STK32B: variants seen among roughly 807,000 people sequenced by gnomAD.
STK32B encodes serine/threonine-protein kinase 32B.
In STK32B, 43 loss-of-function variants were observed where a neutral mutation model predicts 52.6. The ratio of observed to expected loss-of-function variants is 0.82; its 90% CI spans 0.64 to 1.05. The LOEUF (loss-of-function observed/expected upper bound fraction) is 1.05, where lower values mean the gene tolerates loss of function less well. STK32B is among the 50% of genes least tolerant of loss of function. STK32B has a pLI of 0.00. For missense variants in STK32B, 621 were observed against 534.6 expected (o/e 1.16, Z -1.59); for synonymous variants, 238 against 204.3 (o/e 1.17, Z -1.41).
rs1398483991 is a variant in STK32B, at chr4:5,498,875, AGT to A, written c.1107-65_1107-64del. The A allele has an allele frequency of 1.9e-5, 28 of 1,508,244 alleles. No homozygotes were observed. In the African/African-American group the frequency reaches 3.2e-4, roughly 17 times the overall value. The allele number at this position is 1,508,244 out of a possible 1,614,324, so 93.4% of individuals were successfully genotyped here. ...GGCTCCACAGTTGCCCTGCCTGCCC[AGT>A]GTGTCTCCTGGATGTGCCTCCACAA... On this transcript the variant is annotated intron_variant, in intron 11 of 11. Transcript: ENST00000282908.
chr4:5,231,657 AAAAG>A (rs1373538353), intron 3 of STK32B, among the ~76,000 whole-genome samples: 2 of 152,042 alleles, frequency 1.3e-5, no homozygotes, highest in Admixed American at 6.5e-5. Flanking sequence ...AAAGAAAAGA[AAAAG>A]AAAGAGTAGT....
intron 1 of STK32B, among the ~76,000 whole-genome samples, chr4:5,100,780 C>CT (rs2108793599): frequency 2.5e-5 from 1 of 39,642 alleles, no homozygotes; most frequent in Admixed American, 3.0e-4. Flanking sequence ...TCCTTCCCTT[C>CT]TTCCTTCCTT....
At chr4:5,116,109 A>T (rs542039562) in intron 1 of STK32B, among the ~76,000 whole-genome samples, 1 of 152,178 alleles carries the variant, frequency 6.6e-6, no homozygotes, top group Non-Finnish European at 1.5e-5. Flanking sequence ...CATGGTTTCC[A>T]TTTATTGACT....
intron 1 of STK32B, among the ~76,000 whole-genome samples, chr4:5,100,630 TTCTCTTTCTTTCTTTCTC>T (rs1201939219): frequency 1.9e-5 from 2 of 105,272 alleles, no homozygotes; most frequent in Non-Finnish European, 3.5e-5. Flanking sequence ...TTTTCTTTCT[TTCTCTTTCTTTCTTTCTC>T]TCTTTCTCTT....
At chr4:5,485,893 A>G (rs1050780069) in intron 11 of STK32B, among the ~76,000 whole-genome samples, 1 of 152,238 alleles carries the variant, frequency 6.6e-6, no homozygotes, top group Non-Finnish European at 1.5e-5. Flanking sequence ...CGAAGGCTGC[A>G]GAACAGTGGA....
intron 1 of STK32B, among the ~76,000 whole-genome samples, chr4:5,085,856 A>C (rs1712703597): frequency 6.6e-6 from 1 of 152,230 alleles, no homozygotes; most frequent in Non-Finnish European, 1.5e-5. Context: ...ATAACAACCC[A>C]TGTGCCTTGT....
chr4:5,361,943 C>T (rs538629872), intron 4 of STK32B, among the ~76,000 whole-genome samples: 1 of 152,234 alleles, frequency 6.6e-6, no homozygotes, highest in South Asian at 2.1e-4. Flanking sequence ...AAGATGCTAA[C>T]CATTAGAATT....
At chr4:5,490,945 TG>T (rs1719680177) in intron 11 of STK32B, among the ~76,000 whole-genome samples, 1 of 152,246 alleles carries the variant, frequency 6.6e-6, no homozygotes, top group African/African-American at 2.4e-5. Context: ...GGTGTATATG[TG>T]ACACATTTTC....
chr4:5,130,165 C>T (rs932172039), intron 1 of STK32B, among the ~76,000 whole-genome samples: 1 of 144,768 alleles, frequency 6.9e-6, no homozygotes, highest in African/African-American at 2.7e-5. Flanking sequence ...CTCTCACCTT[C>T]TCCGGCGGGG....
intron 3 of STK32B, among the ~76,000 whole-genome samples, chr4:5,273,865 T>A (rs1258908657): frequency 7.5e-6 from 1 of 133,618 alleles, no homozygotes; most frequent in Admixed American, 7.4e-5. Flanking sequence ...GGGGGAGGGA[T>A]AGCATTGGAA....
chr4:5,296,998 G>A (rs766069860), intron 3 of STK32B, among the ~76,000 whole-genome samples: 4 of 152,130 alleles, frequency 2.6e-5, no homozygotes, highest in African/African-American at 4.8e-5. Context: ...CTCAGCATTT[G>A]CTTGTCTGTA....
rs140317894 is a variant in STK32B at position 5,324,199 on chromosome 4, T to C, written c.261-7021T>C. On this transcript the variant is annotated intron_variant, in intron 3 of 11. Coordinates refer to ENST00000282908, the MANE Select transcript of STK32B (RefSeq NM_018401.3). The stretch of plus-strand genomic sequence containing the variant: ...TGAAACCTTGTCACTTTTAAAAATA[T>C]AAAAGCTAGTCAGGTGTGGTGGCAT... Among the ~76,000 whole-genome samples, 411 of 152,166 alleles carry C rather than the reference T, an allele frequency of 2.7e-3. 2 individuals are homozygous for C. The highest frequency in any genetic ancestry group is 9.4e-3 in the African/African-American group (390 of 41,528).
At chr4:5,454,444 C>T (rs907321564) in intron 7 of STK32B, among the ~76,000 whole-genome samples, 3 of 151,982 alleles carry the variant, frequency 2.0e-5, no homozygotes, top group Non-Finnish European at 4.4e-5. Context: ...CTCTATGTGT[C>T]TTTCTGTGCC....
intron 3 of STK32B, among the ~76,000 whole-genome samples, chr4:5,275,861 G>T (rs1444685558): frequency 1.3e-5 from 2 of 152,074 alleles, no homozygotes; most frequent in Non-Finnish European, 2.9e-5. Flanking sequence ...TCTCATGTAA[G>T]ATTTGTAGTA....
rs1285331832 is a variant in STK32B, at chr4:5,436,597, G to A, written c.563-10076G>A. 16 of 985,414 alleles carry A rather than the reference G, an allele frequency of 1.6e-5. No individual in the cohort carries two copies. The South Asian group carries it at 4.2e-4, about 26-fold the overall frequency. 61.0% of individuals were successfully genotyped at this position (985,414 alleles called of 1,614,324 possible). On this transcript the variant is annotated intron_variant, in intron 6 of 11. Transcript: ENST00000282908. ...CTGGGAAGCTATGCTGCTCCTAGGG[G>A]ACTAGAAGGGAAAACAAGCATCAGA...
intron 3 of STK32B, among the ~76,000 whole-genome samples, chr4:5,274,606 A>G (rs555474426): frequency 5.3e-4 from 80 of 152,230 alleles, no homozygotes; most frequent in African/African-American, 1.4e-3. Flanking sequence ...CCAATCATCT[A>G]TTGTCTGAGA....
intron 3 of STK32B, among the ~76,000 whole-genome samples, chr4:5,253,826 G>C (rs1273015952): frequency 6.6e-6 from 1 of 152,184 alleles, no homozygotes; most frequent in Non-Finnish European, 1.5e-5. Context: ...GGTTAACTGG[G>C]GATGGATAAT....
chr4:5,418,445 G>T lies in STK32B; in HGVS notation c.562+1511G>T, dbSNP rs144234896. 4.4e-3 allele frequency among the ~76,000 whole-genome samples: 664 copies of T among 152,328 alleles called. 6 individuals are homozygous for T. The highest frequency in any genetic ancestry group is 0.016 in the African/African-American group (646 of 41,578). The stretch of plus-strand genomic sequence containing the variant: ...TGTTTAAGGCTAGAAAATGTAATCA[G>T]TGCTGCACAAAGGTGCACAAACATT... On this transcript the variant is annotated intron_variant, in intron 6 of 11. Coordinates refer to ENST00000282908, the MANE Select transcript of STK32B (RefSeq NM_018401.3).
In STK32B at chr4:5,143,990, C is replaced by T. The variant is rs548856585; in HGVS notation, c.108+4030C>T. On this transcript the variant is annotated intron_variant, in intron 2 of 11. Transcript: ENST00000282908. ...TGTACCTCCACCTACTCCCCTGACC[C>T]GGCTGGAATTGGGCCTCTACTTTAG... Among the ~76,000 whole-genome samples the T allele has an allele frequency of 2.4e-4, 36 of 152,292 alleles. No homozygotes were observed. In the East Asian group the frequency reaches 4.2e-3, roughly 18 times the overall value.
Sources: allele counts gnomAD v4.1 joint callset (sites outside exome capture counted in the v4.1 genomes callset), GRCh38; gene constraint gnomAD v4.1.1; transcripts MANE v1.5; gene names NCBI Gene and HGNC (gene_info 2026-07-23, HGNC 2026-07-21).